HHAT: variants seen among roughly 807,000 people sequenced by gnomAD.
HHAT encodes hedgehog acyltransferase.
Under a neutral mutation model 70.8 loss-of-function variants are expected in HHAT, and 47 were observed. The observed-to-expected ratio is 0.66, with a 90% CI of 0.53 to 0.85. The LOEUF is 0.85. HHAT is among the 40% of genes least tolerant of loss of function. HHAT has a pLI of 0.00. For synonymous variants in HHAT, 228 were observed against 247.6 expected (o/e 0.92, Z 0.74); for missense variants, 609 against 604.8 (o/e 1.01, Z -0.07).
intron 4 of HHAT, among the ~76,000 whole-genome samples, chr1:210,397,555 AAT>A (rs1041408789): frequency 3.0e-5 from 2 of 66,794 alleles, no homozygotes; most frequent in Non-Finnish European, 6.2e-5. Context: ...AATGCAACAC[AAT>A]TTTTTTTTTT....
At chr1:210,478,839 C>T (rs942788816) in intron 8 of HHAT, among the ~76,000 whole-genome samples, 2 of 152,148 alleles carry the variant, frequency 1.3e-5, no homozygotes, top group Non-Finnish European at 2.9e-5. Context: ...ACTGTTGGCC[C>T]CGAGGAATGT....
At chr1:210,484,450 T>C (rs547792501) in intron 8 of HHAT, among the ~76,000 whole-genome samples, 1 of 151,980 alleles carries the variant, frequency 6.6e-6, no homozygotes, top group East Asian at 1.9e-4. Context: ...TTCATCATCC[T>C]GAAGAATGAA....
At chr1:210,455,505 C>A (rs541674339) in intron 7 of HHAT, among the ~76,000 whole-genome samples, 24 of 152,204 alleles carry the variant, frequency 1.6e-4, no homozygotes, top group African/African-American at 5.8e-4. Flanking sequence ...CCCTGGTCAG[C>A]TTCACACAGG....
chr1:210,389,709 G>A (rs1398807365), intron 4 of HHAT, among the ~76,000 whole-genome samples: 1 of 152,226 alleles, frequency 6.6e-6, no homozygotes. Flanking sequence ...GTCTGTGGAA[G>A]TGTGAGTTAA....
intron 11 of HHAT, among the ~76,000 whole-genome samples, chr1:210,654,152 CAG>C (rs558306286): frequency 0.015 from 2,015 of 137,316 alleles, 2 homozygotes; most frequent in Middle Eastern, 0.033. Context: ...AATAGTGTGA[CAG>C]TGGAATAGTG....
At chr1:210,547,901 A>G (rs916552076) in intron 9 of HHAT, among the ~76,000 whole-genome samples, 1 of 152,242 alleles carries the variant, frequency 6.6e-6, no homozygotes, top group Admixed American at 6.5e-5. Flanking sequence ...TACACAGCAG[A>G]GCAGATTAAC....
intron 11 of HHAT, among the ~76,000 whole-genome samples, chr1:210,638,305 G>T (rs1322657445): frequency 6.6e-6 from 1 of 152,174 alleles, no homozygotes; most frequent in Non-Finnish European, 1.5e-5. Context: ...TCTGTCAAAT[G>T]ATATGTGGCA....
chr1:210,390,707 G>A (rs1217458983), intron 4 of HHAT, among the ~76,000 whole-genome samples: 5 of 152,188 alleles, frequency 3.3e-5, no homozygotes, highest in Middle Eastern at 3.4e-3. Flanking sequence ...ATGCCTTTGC[G>A]TCTTCATAGC....
Position 210,418,154 on chromosome 1 carries a change from A to T in HHAT, c.685A>T (p.Met229Leu), listed in dbSNP as rs1394872962. The T allele has an allele frequency of 5.6e-6, 9 of 1,614,010 alleles. No individual in the cohort carries two copies. Among genetic ancestry groups the T allele is most frequent in the Non-Finnish European group, 6.8e-6 (8 of 1,180,002 alleles). Residue 229 changes from methionine to leucine, a missense_variant and splice_region_variant, in exon 7 of 12, where the codon ATG becomes TTG. Transcript: ENST00000261458. ...ILSFSEFIKQ[M>L]QQQEHDSLKA... ...ATGACCTCTTTTGTTTCCACTTTAG[A>T]TGCAGCAGCAGGAGCATGACTCCCT...
chr1:210,335,783 A>G (rs2085431159), intron 1 of HHAT, among the ~76,000 whole-genome samples: 1 of 152,212 alleles, frequency 6.6e-6, no homozygotes, highest in African/African-American at 2.4e-5. Flanking sequence ...CAAGATAACA[A>G]CATACACCTA....
intron 9 of HHAT, among the ~76,000 whole-genome samples, chr1:210,552,001 T>G (rs1050129469): frequency 6.6e-6 from 1 of 152,080 alleles, no homozygotes; most frequent in Non-Finnish European, 1.5e-5. Flanking sequence ...ATGCTAGGAG[T>G]TGAGTTTCCT....
At chr1:210,479,563 A>T (rs2094359861) in intron 8 of HHAT, among the ~76,000 whole-genome samples, 1 of 152,178 alleles carries the variant, frequency 6.6e-6, no homozygotes, top group African/African-American at 2.4e-5. Flanking sequence ...CCCAGAGAGG[A>T]GAGTGGCAGA....
At position 210,655,290 on chromosome 1, in the gene HHAT, G is replaced by C. The variant is rs115619013; in HGVS notation, c.1391-18998G>C. Among the ~76,000 whole-genome samples the C allele has an allele frequency of 9.3e-3, 1,414 of 152,348 alleles. 15 individuals are homozygous for C. The highest frequency in any genetic ancestry group is 0.02 in the Middle Eastern group (6 of 294). ...CAGGGAGGGTGCTAATGCCTCATTA[G>C]TGATTGTCGCAATCACTGAGATCCT... is the stretch of plus-strand genomic sequence containing the variant. On this transcript the variant is annotated intron_variant, in intron 11 of 11. Transcript: ENST00000261458.
At chr1:210,360,846 C>T (rs1283634050) in intron 2 of HHAT, among the ~76,000 whole-genome samples, 48 of 124,276 alleles carry the variant, frequency 3.9e-4, no homozygotes, top group African/African-American at 6.5e-4. Context: ...ATTAACTTCA[C>T]TTTTTTTTTT....
intron 3 of HHAT, among the ~76,000 whole-genome samples, chr1:210,371,283 G>A (rs1218424153): frequency 6.6e-6 from 1 of 152,088 alleles, no homozygotes; most frequent in Non-Finnish European, 1.5e-5. Context: ...TCCCAAGCAG[G>A]GCCTACAGGC....
chr1:210,669,207 G>A (rs954281943), intron 11 of HHAT, among the ~76,000 whole-genome samples: 9 of 152,208 alleles, frequency 5.9e-5, no homozygotes, highest in Non-Finnish European at 8.8e-5. Flanking sequence ...GTATCAAACC[G>A]CAGGCTTTCC....
chr1:210,533,290 GGC>G, intron 9 of HHAT, among the ~76,000 whole-genome samples: 1 of 146,014 alleles, frequency 6.8e-6, no homozygotes, highest in Non-Finnish European at 1.5e-5. Flanking sequence ...AAGTACAGAT[GGC>G]AGCTGGCTGC....
intron 2 of HHAT, among the ~76,000 whole-genome samples, chr1:210,351,637 G>C (rs58469250): frequency 0.12 from 18,424 of 152,204 alleles, 1,545 homozygotes; most frequent in East Asian, 0.27. Flanking sequence ...CTGGTGGCTC[G>C]ATTGGGCTCA....
chr1:210,577,785 A>G (rs1658233313), intron 9 of HHAT, among the ~76,000 whole-genome samples: 1 of 151,414 alleles, frequency 6.6e-6, no homozygotes, highest in African/African-American at 2.4e-5. Flanking sequence ...TAGTGGGATT[A>G]CAGGCATGCA....
Sources: allele counts gnomAD v4.1 joint callset (sites outside exome capture counted in the v4.1 genomes callset), GRCh38; gene constraint gnomAD v4.1.1; transcripts MANE v1.5; gene names NCBI Gene and HGNC (gene_info 2026-07-23, HGNC 2026-07-21).